Variants in ADAMTS3 observed in about 807,000 individuals in gnomAD.
ADAMTS3 encodes A disintegrin and metalloproteinase with thrombospondin motifs 3.
A neutral mutation model predicts 129.0 loss-of-function variants in ADAMTS3; 73 were observed. The ratio of observed to expected loss-of-function variants is 0.57; its 90% confidence interval spans 0.47 to 0.69. The LOEUF (loss-of-function observed/expected upper bound fraction) is 0.69, where lower values mean the gene tolerates loss of function less well. Ranked by LOEUF, ADAMTS3 falls within the 30% of genes least tolerant of loss-of-function variation. The pLI is 0.00. For missense variants in ADAMTS3, 1,457 were observed against 1,514.5 expected (o/e 0.96, Z 0.63); for synonymous variants, 477 against 510.8 (o/e 0.93, Z 0.89).
At chr4:72,466,721 ATCTTC>A (rs1238619405) in intron 3 of ADAMTS3, among the ~76,000 whole-genome samples, 1 of 151,972 alleles carries the variant, frequency 6.6e-6, no homozygotes, top group African/African-American at 2.4e-5. Context: ...ACCCTTGACC[ATCTTC>A]TCTTCTCTTG....
chr4:72,293,860 G>A (rs1299399264), intron 19 of ADAMTS3, among the ~76,000 whole-genome samples: 2 of 151,908 alleles, frequency 1.3e-5, no homozygotes, highest in Non-Finnish European at 2.9e-5. Flanking sequence ...AGAGATAAAA[G>A]AATACATTGC....
In ADAMTS3 at chr4:72,366,774, C is replaced by CT. The variant is rs1220915576; in HGVS notation, c.662-27082dup. Among the ~76,000 whole-genome samples the CT allele has an allele frequency of 6.1e-3, 853 of 139,108 alleles. 4 individuals are homozygous for CT. The highest frequency in any genetic ancestry group is 9.8e-3 in the Non-Finnish European group (623 of 63,260). The allele number at this position is 139,108 out of a possible 152,430, so 91.3% of individuals were successfully genotyped here. A position where few individuals can be genotyped will look rare whatever the true frequency, so the allele number is the denominator to read the frequency against. On this transcript the variant is annotated intron_variant, in intron 4 of 21. Transcript: ENST00000286657. ...TTAAAGGGTATTTTAGTGTCCCAAG[C>CT]TTTTTTTTTTTTCAGTCAGATGACT...
chr4:72,428,202 T>A (rs2109942341), intron 3 of ADAMTS3, among the ~76,000 whole-genome samples: 2 of 152,106 alleles, frequency 1.3e-5, no homozygotes, highest in South Asian at 4.1e-4. Flanking sequence ...CTACCCCAAT[T>A]TTCTGAAAGT....
chr4:72,455,632 A>G (rs187800688), intron 3 of ADAMTS3, among the ~76,000 whole-genome samples: 239 of 149,766 alleles, frequency 1.6e-3, no homozygotes, highest in African/African-American at 2.9e-3. Flanking sequence ...AAAAAAAAAA[A>G]AAAGAAAGAA....
chr4:72,438,219 T>G (rs1560515732), intron 3 of ADAMTS3, among the ~76,000 whole-genome samples: 1 of 151,688 alleles, frequency 6.6e-6, no homozygotes, highest in Non-Finnish European at 1.5e-5. Context: ...TTGAGTTATA[T>G]TGTTTATAAA....
chr4:72,516,698 C>A (rs1449778298), intron 3 of ADAMTS3, among the ~76,000 whole-genome samples: 1 of 152,142 alleles, frequency 6.6e-6, no homozygotes, highest in Non-Finnish European at 1.5e-5. Context: ...TATCCTGACA[C>A]TTTGCTGAAG....
At chr4:72,503,501 T>C (rs990589203) in intron 3 of ADAMTS3, among the ~76,000 whole-genome samples, 22 of 152,228 alleles carry the variant, frequency 1.4e-4, no homozygotes, top group Non-Finnish European at 3.2e-4. Flanking sequence ...TTTTATTTTA[T>C]TGAGACTGCT....
intron 5 of ADAMTS3, among the ~76,000 whole-genome samples, chr4:72,331,883 T>C (rs1029649154): frequency 6.6e-6 from 1 of 152,226 alleles, no homozygotes; most frequent in African/African-American, 2.4e-5. Flanking sequence ...CATAGTACTT[T>C]GCAACTGAAT....
intron 4 of ADAMTS3, among the ~76,000 whole-genome samples, chr4:72,411,417 G>A (rs1371088567): frequency 6.6e-6 from 1 of 152,092 alleles, no homozygotes; most frequent in East Asian, 1.9e-4. Context: ...GAGACATAAA[G>A]TCCTCCTTAT....
chr4:72,321,971 T>A (rs1192157657), intron 6 of ADAMTS3, among the ~76,000 whole-genome samples: 1 of 152,160 alleles, frequency 6.6e-6, no homozygotes, highest in Non-Finnish European at 1.5e-5. Context: ...TCTGATGAAA[T>A]GAAAATTTGA....
chr4:72,500,948 C>A (rs972639167), intron 3 of ADAMTS3, among the ~76,000 whole-genome samples: 3 of 151,994 alleles, frequency 2.0e-5, no homozygotes, highest in Non-Finnish European at 4.4e-5. Context: ...TTTCTGAGTT[C>A]TCTATTTTGT....
At chr4:72,410,580 C>A (rs755500491) in intron 4 of ADAMTS3, among the ~76,000 whole-genome samples, 3 of 152,248 alleles carry the variant, frequency 2.0e-5, no homozygotes, top group South Asian at 2.1e-4. Context: ...TGATGTCATA[C>A]AAGTTCAGCC....
At chr4:72,443,769 T>G (rs1718180796) in intron 3 of ADAMTS3, among the ~76,000 whole-genome samples, 1 of 151,594 alleles carries the variant, frequency 6.6e-6, no homozygotes, top group Non-Finnish European at 1.5e-5. Flanking sequence ...TTTACTATTA[T>G]TAGGTTAATT....
intron 3 of ADAMTS3, among the ~76,000 whole-genome samples, chr4:72,538,934 A>G (rs1157299111): frequency 6.6e-6 from 1 of 152,212 alleles, no homozygotes; most frequent in African/African-American, 2.4e-5. Flanking sequence ...TTTTCAACAA[A>G]TGGAGCTTGG....
chr4:72,465,037 A>G (rs918660534), intron 3 of ADAMTS3, among the ~76,000 whole-genome samples: 1 of 152,016 alleles, frequency 6.6e-6, no homozygotes, highest in Non-Finnish European at 1.5e-5. Flanking sequence ...GCCCTCATGA[A>G]GTTGATAATC....
At chr4:72,295,842 C>T in intron 18 of ADAMTS3, 56 bp from the exon 19 acceptor site, 1 of 1,571,304 alleles carries the variant, frequency 6.4e-7, no homozygotes, top group Non-Finnish European at 8.7e-7. Flanking sequence ...CTGATAGTTA[C>T]TTGATTATTC....
chr4:72,569,042 G>T lies in ADAMTS3; in HGVS notation c.-280C>A. 1 of 503,276 alleles carries T rather than the reference G, an allele frequency of 2.0e-6. No homozygotes were observed. The highest frequency in any genetic ancestry group is 3.5e-6 in the Non-Finnish European group (1 of 283,564). The allele number at this position is 503,276 out of a possible 1,614,324, so 31.2% of individuals were successfully genotyped here. On this transcript the variant is annotated 5_prime_UTR_variant, in exon 1 of 22. Transcript: ENST00000286657. ...GGTGCTGTAAGCGGGCACAGGCTAA[G>T]CCTGGGAGAGGGGGAAGGGACGAGG...
At chr4:72,295,885 A>G (rs753894568) in intron 18 of ADAMTS3, 99 bp from the exon 19 acceptor site, 130 of 1,440,260 alleles carry the variant, frequency 9.0e-5, no homozygotes, top group Non-Finnish European at 1.2e-4. Context: ...TCATCCATTC[A>G]ATAAATATGT....
At chr4:72,483,938 A>T (rs1719510059) in intron 3 of ADAMTS3, among the ~76,000 whole-genome samples, 1 of 152,158 alleles carries the variant, frequency 6.6e-6, no homozygotes, top group African/African-American at 2.4e-5. Flanking sequence ...GAATGGCGTG[A>T]ACCCAGGAGG....
Sources: gnomAD v4.1 joint callset for allele counts (sites outside exome capture counted in the v4.1 genomes callset) on GRCh38, gnomAD v4.1.1 for gene constraint, MANE v1.5 for transcripts, NCBI Gene and HGNC (gene_info 2026-07-23, HGNC 2026-07-21) for gene names.